Variants in NKAIN3 observed in about 807,000 individuals in gnomAD.
NKAIN3 encodes sodium/potassium transporting ATPase interacting 3, also known as sodium/potassium-transporting ATPase subunit beta-1-interacting protein 3.
NKAIN3 carries 25 observed loss-of-function variants against 30.2 expected under a neutral mutation model. The observed-to-expected ratio is 0.83, with a 90% CI of 0.60 to 1.16. The LOEUF (loss-of-function observed/expected upper bound fraction) is 1.16, where lower values mean the gene tolerates loss of function less well. NKAIN3 is among the 50% of genes most tolerant of loss of function. The pLI is 0.00. For missense variants in NKAIN3, 225 were observed against 254.1 expected (o/e 0.89, Z 0.78); for synonymous variants, 91 against 89.6 (o/e 1.02, Z -0.09).
intron 3 of NKAIN3, among the ~76,000 whole-genome samples, chr8:62,622,630 T>C (rs939394240): frequency 6.6e-6 from 1 of 152,078 alleles, no homozygotes; most frequent in Non-Finnish European, 1.5e-5. Context: ...TTTGGTTCTT[T>C]TACTGTGAAA....
chr8:62,824,903 C>A (rs370993468), intron 4 of NKAIN3, among the ~76,000 whole-genome samples: 1 of 152,274 alleles, frequency 6.6e-6, no homozygotes, highest in Middle Eastern at 3.4e-3. Flanking sequence ...AATGGCAAAA[C>A]CAGCAGGACA....
intron 3 of NKAIN3, among the ~76,000 whole-genome samples, chr8:62,735,632 T>C (rs1331004954): frequency 6.6e-6 from 1 of 152,234 alleles, no homozygotes; most frequent in Non-Finnish European, 1.5e-5. Context: ...CCTTCTGAAT[T>C]CTTTTTCTGG....
At chr8:62,663,460 G>A (rs777721021) in intron 3 of NKAIN3, among the ~76,000 whole-genome samples, 2 of 152,178 alleles carry the variant, frequency 1.3e-5, no homozygotes, top group Non-Finnish European at 2.9e-5. Flanking sequence ...TATAGGATGC[G>A]ATAGTTTAAT....
At chr8:62,397,522 T>A (rs900967256) in intron 1 of NKAIN3, among the ~76,000 whole-genome samples, 3 of 152,180 alleles carry the variant, frequency 2.0e-5, no homozygotes, top group African/African-American at 7.2e-5. Context: ...AGGTTGCCTC[T>A]AATTGCTCAG....
At chr8:62,537,170 T>C (rs539949876) in intron 1 of NKAIN3, among the ~76,000 whole-genome samples, 35 of 152,294 alleles carry the variant, frequency 2.3e-4, no homozygotes, top group African/African-American at 8.4e-4. Flanking sequence ...GCAATTAAAC[T>C]TAGGAAGAAT....
At chr8:62,863,989 G>A in intron 4 of NKAIN3, 1 of 765,884 alleles carries the variant, frequency 1.3e-6, no homozygotes, top group South Asian at 1.5e-5. Flanking sequence ...AACTAAAGGA[G>A]CTTTCTGTTG....
rs1049363644 is a variant in NKAIN3 at position 62,569,490 on chromosome 8, T to C, written c.55-10049T>C. On this transcript the variant is annotated intron_variant, in intron 1 of 6. Coordinates refer to ENST00000623646, the MANE Select transcript of NKAIN3 (RefSeq NM_001304533.3). ...ACTTTCCAGACATAAAAAAGACTAC[T>C]TCAGGCTGGGCACAGTGGCTCATGC... is the stretch of plus-strand genomic sequence containing the variant. Among the ~76,000 whole-genome samples the C allele has an allele frequency of 3.3e-5, 5 of 152,186 alleles. No individual in the cohort carries two copies. In the South Asian group the frequency reaches 8.3e-4, roughly 25 times the overall value.
intron 1 of NKAIN3, among the ~76,000 whole-genome samples, chr8:62,513,836 G>A (rs1340735368): frequency 8.0e-6 from 1 of 125,104 alleles, no homozygotes; most frequent in Non-Finnish European, 1.6e-5. Context: ...TCCAGCCTGG[G>A]CAACAGAGTG....
intron 1 of NKAIN3, among the ~76,000 whole-genome samples, chr8:62,442,420 CT>C (rs1276582048): frequency 9.9e-5 from 15 of 151,888 alleles, no homozygotes; most frequent in Admixed American, 2.6e-4. Context: ...GCATTAATAC[CT>C]GGAGATATTT....
At chr8:62,908,466 G>A (rs933919499) in intron 4 of NKAIN3, among the ~76,000 whole-genome samples, 1 of 151,980 alleles carries the variant, frequency 6.6e-6, no homozygotes, top group African/African-American at 2.4e-5. Context: ...GGAATGTTAT[G>A]GTTTGGCTGT....
intron 1 of NKAIN3, among the ~76,000 whole-genome samples, chr8:62,392,548 G>A (rs1817611781): frequency 6.6e-6 from 1 of 151,666 alleles, no homozygotes; most frequent in Admixed American, 6.6e-5. Context: ...CGCTTACCTG[G>A]CCACTTCATT....
At chr8:62,357,521 AG>A (rs1816398487) in intron 1 of NKAIN3, among the ~76,000 whole-genome samples, 1 of 152,188 alleles carries the variant, frequency 6.6e-6, no homozygotes, top group Admixed American at 6.5e-5. Context: ...GCCTTATAGG[AG>A]TCCTAGAATA....
At chr8:62,484,038 A>G (rs933435799) in intron 1 of NKAIN3, among the ~76,000 whole-genome samples, 4 of 152,198 alleles carry the variant, frequency 2.6e-5, no homozygotes, top group African/African-American at 9.6e-5. Context: ...ACATGTTGAC[A>G]TGTCTTCAGC....
At chr8:62,249,440 GC>G (rs1192117616) in intron 1 of NKAIN3, among the ~76,000 whole-genome samples, 6 of 152,232 alleles carry the variant, frequency 3.9e-5, no homozygotes, top group Non-Finnish European at 8.8e-5. Context: ...GGATTTTCCC[GC>G]CCCTTGATCC....
chr8:62,433,752 G>A (rs1805086531), intron 1 of NKAIN3, among the ~76,000 whole-genome samples: 1 of 152,092 alleles, frequency 6.6e-6, no homozygotes, highest in African/African-American at 2.4e-5. Context: ...ATTAAATTTA[G>A]TTATTTAAAT....
chr8:62,783,083 T>C (rs1343038971), intron 4 of NKAIN3, among the ~76,000 whole-genome samples: 1 of 150,258 alleles, frequency 6.7e-6, no homozygotes, highest in Non-Finnish European at 1.5e-5. Flanking sequence ...TAATAAAAGA[T>C]AAAATAAAAT....
At chr8:62,301,558 A>G (rs955204210) in intron 1 of NKAIN3, among the ~76,000 whole-genome samples, 4 of 152,122 alleles carry the variant, frequency 2.6e-5, no homozygotes, top group Admixed American at 1.3e-4. Context: ...ATTACAGCCC[A>G]TTACATATTC....
At chr8:62,671,675 T>G (rs1813310498) in intron 3 of NKAIN3, among the ~76,000 whole-genome samples, 1 of 152,180 alleles carries the variant, frequency 6.6e-6, no homozygotes. Context: ...TGCACGTGTG[T>G]GTCACACATG....
intron 6 of NKAIN3, among the ~76,000 whole-genome samples, chr8:62,959,875 C>T (rs1823521876): frequency 2.6e-5 from 4 of 152,212 alleles, no homozygotes; most frequent in African/African-American, 4.8e-5. Flanking sequence ...AAGCACTCAG[C>T]ACCTTCTTAG....
Sources: allele counts gnomAD v4.1 joint callset (sites outside exome capture counted in the v4.1 genomes callset), GRCh38; gene constraint gnomAD v4.1.1; transcripts MANE v1.5; gene names NCBI Gene and HGNC (gene_info 2026-07-23, HGNC 2026-07-21).